The following GPHN variants were observed in gnomAD, a reference collection of about 807,000 sequenced individuals.
GPHN encodes gephyrin.
GPHN carries 17 observed loss-of-function variants against 95.5 expected under a neutral mutation model. That is an observed-to-expected ratio of 0.18 (90% CI 0.12 to 0.27). GPHN has a LOEUF of 0.27. Ranked by LOEUF, GPHN falls within the 10% of genes least tolerant of loss-of-function variation. The pLI is 1.00. For missense variants in GPHN, 660 were observed against 978.1 expected, an observed-to-expected ratio of 0.67 and a Z score of 4.34; for synonymous variants, 320 against 322.5, an observed-to-expected ratio of 0.99 and a Z score of 0.08.
intron 16 of GPHN, among the ~76,000 whole-genome samples, chr14:67,113,924 T>G (rs190210316): frequency 1.1e-4 from 17 of 152,278 alleles, no homozygotes; most frequent in Non-Finnish European, 2.2e-4. Context: ...CTATTGAGAT[T>G]TTTAAAAGTA....
chr14:67,236,521 G>A, the GPHN span, among the ~76,000 whole-genome samples: 1 of 152,164 alleles, frequency 6.6e-6, no homozygotes, highest in Non-Finnish European at 1.5e-5. Flanking sequence ...ATAGCACAAT[G>A]CTTAGCCCAT....
At chr14:66,971,015 G>A (rs554763822) in intron 9 of GPHN, among the ~76,000 whole-genome samples, 1 of 152,082 alleles carries the variant, frequency 6.6e-6, no homozygotes, top group African/African-American at 2.4e-5. Context: ...GTTTATGTGG[G>A]TTATATCTAA....
chr14:67,201,931 T>C, the GPHN span, among the ~76,000 whole-genome samples: 1 of 152,164 alleles, frequency 6.6e-6, no homozygotes, highest in Non-Finnish European at 1.5e-5. Context: ...GCCAAGTTTC[T>C]TGGACTTCAG....
chr14:67,124,514 G>A (rs1189974974), intron 17 of GPHN, among the ~76,000 whole-genome samples: 1 of 152,150 alleles, frequency 6.6e-6, no homozygotes, highest in South Asian at 2.1e-4. Flanking sequence ...TAAGATACAA[G>A]TACTTAAAAA....
intron 17 of GPHN, among the ~76,000 whole-genome samples, chr14:67,139,155 G>A (rs569795624): frequency 4.0e-5 from 6 of 151,018 alleles, no homozygotes; most frequent in Non-Finnish European, 8.9e-5. Context: ...CCCAGGAGGC[G>A]GAGGTTGCAG....
chr14:67,352,900 A>G, the GPHN span: 14 of 1,517,448 alleles, frequency 9.2e-6, no homozygotes, highest in Non-Finnish European at 1.3e-5. Flanking sequence ...AATAAATACT[A>G]TTCTAAGAAA....
At chr14:66,686,361 A>T (rs1017004559) in intron 2 of GPHN, among the ~76,000 whole-genome samples, 1 of 152,114 alleles carries the variant, frequency 6.6e-6, no homozygotes, top group African/African-American at 2.4e-5. Flanking sequence ...CATGATATTG[A>T]TTCTTCCTAT....
chr14:67,178,155 A>G (rs2083114461), intron 21 of GPHN, among the ~76,000 whole-genome samples: 1 of 152,182 alleles, frequency 6.6e-6, no homozygotes, highest in Non-Finnish European at 1.5e-5. Flanking sequence ...TCCTCATAGC[A>G]TCAATGATCT....
the GPHN span, chr14:67,349,086 AT>A: frequency 1.2e-6 from 2 of 1,614,100 alleles, no homozygotes; most frequent in East Asian, 4.5e-5. Context: ...CTTTATTGAC[AT>A]TTTGGATAAC....
chr14:67,586,525 C>T, the GPHN span: 11 of 738,228 alleles, frequency 1.5e-5, no homozygotes, highest in Middle Eastern at 3.2e-4. Context: ...TCCCACAGTG[C>T]TCCCTCTTCC....
chr14:66,740,736 T>C (rs1176095675), intron 2 of GPHN, among the ~76,000 whole-genome samples: 1 of 152,128 alleles, frequency 6.6e-6, no homozygotes, highest in Non-Finnish European at 1.5e-5. Flanking sequence ...ATAATAAAAG[T>C]TAGTGGAAAA....
chr14:66,642,710 G>C (rs1156719753), intron 1 of GPHN, among the ~76,000 whole-genome samples: 1 of 151,898 alleles, frequency 6.6e-6, no homozygotes, highest in Non-Finnish European at 1.5e-5. Flanking sequence ...ATTACTTCCA[G>C]GAACAGGTCT....
chr14:67,381,367 G>T, the GPHN span, among the ~76,000 whole-genome samples: 3 of 152,206 alleles, frequency 2.0e-5, no homozygotes, highest in African/African-American at 7.2e-5. Flanking sequence ...GAGTCAAAGG[G>T]TAATGCAATT....
At chr14:67,476,762 G>C in the GPHN span, among the ~76,000 whole-genome samples, 1 of 152,250 alleles carries the variant, frequency 6.6e-6, no homozygotes, top group East Asian at 1.9e-4. Flanking sequence ...TTCTACTGCA[G>C]AACTCATCCC....
chr14:67,320,247 A>C, the GPHN span: 1 of 1,612,292 alleles, frequency 6.2e-7, no homozygotes, highest in East Asian at 2.2e-5. Flanking sequence ...CAACGAGGAG[A>C]TCTTAACCTA....
intron 1 of GPHN, among the ~76,000 whole-genome samples, chr14:66,664,288 T>A (rs1341429563): frequency 6.6e-6 from 1 of 152,178 alleles, no homozygotes; most frequent in East Asian, 1.9e-4. Context: ...AACAGTCTCT[T>A]GGACCAGAGC....
the GPHN span, among the ~76,000 whole-genome samples, chr14:67,607,018 T>G: frequency 6.6e-6 from 1 of 152,348 alleles, no homozygotes; most frequent in Non-Finnish European, 1.5e-5. Context: ...GGCTGGGTGC[T>G]TCTTCAAAAT....
intron 13 of GPHN, among the ~76,000 whole-genome samples, chr14:67,109,217 G>A (rs2153684724): frequency 6.6e-6 from 1 of 152,310 alleles, no homozygotes; most frequent in African/African-American, 2.4e-5. Flanking sequence ...TCCTTATGCA[G>A]CACGTGACTA....
chr14:67,662,689 A>G, the GPHN span, among the ~76,000 whole-genome samples: 3 of 152,136 alleles, frequency 2.0e-5, no homozygotes, highest in Non-Finnish European at 4.4e-5. Context: ...GTGGATCACA[A>G]GGTCAGGAGT....
Sources: allele counts gnomAD v4.1 joint callset (sites outside exome capture counted in the v4.1 genomes callset), GRCh38; gene constraint gnomAD v4.1.1; transcripts MANE v1.5; gene names NCBI Gene and HGNC (gene_info 2026-07-23, HGNC 2026-07-21).